The following DNAH5 variants were observed in gnomAD, a reference collection of about 807,000 sequenced individuals.
The protein encoded by DNAH5 is dynein axonemal heavy chain 5.
A neutral mutation model predicts 518.2 loss-of-function variants in DNAH5; 372 were observed. That is an observed-to-expected ratio of 0.72 (90% confidence interval 0.66 to 0.78). The LOEUF is 0.78. Ranked by LOEUF, DNAH5 falls within the 30% of genes least tolerant of loss-of-function variation. The probability of loss-of-function intolerance (pLI) is 0.00; values close to 1 mark genes in which losing one functional copy is unlikely to be tolerated. For synonymous variants in DNAH5, 2,039 were observed against 2,025.9 expected, an observed-to-expected ratio of 1.01 and a Z score of -0.17; for missense variants, 5,523 against 5,687.0, an observed-to-expected ratio of 0.97 and a Z score of 0.93.
rs777625502 is a variant in DNAH5 at position 13,793,999 on chromosome 5, TC to T, written c.7946del (p.Gly2649GlufsTer4). 6.2e-7 allele frequency: 1 copy of T among 1,613,990 alleles called. No homozygotes were observed. Among genetic ancestry groups the T allele is most frequent in the Non-Finnish European group, 8.5e-7 (1 of 1,180,002 alleles). On this transcript the variant is annotated frameshift_variant, in exon 48 of 79. Coordinates refer to ENST00000265104, the MANE Select transcript of DNAH5 (RefSeq NM_001369.3). LOFTEE classifies it high-confidence loss of function. The stretch of plus-strand genomic sequence containing the variant: ...CATCAATAAAAACAGTCATCTTCTT[TC>T]CCGCAGGAGGGCCATATGTTGTACC... The part of the protein sequence containing the change: ...RMGTTYGPPA[G>X]KKMTVFIDDV...
intron 47 of DNAH5, among the ~76,000 whole-genome samples, chr5:13,794,477 A>G (rs922012202): frequency 1.3e-5 from 2 of 152,228 alleles, no homozygotes; most frequent in East Asian, 1.9e-4. Context: ...TGCACAGCCC[A>G]TCATGGTCTG....
intron 5 of DNAH5, 98 bp from the exon 6 acceptor site, chr5:13,920,715 C>T: frequency 7.3e-7 from 1 of 1,367,020 alleles, no homozygotes; most frequent in South Asian, 1.2e-5. Flanking sequence ...TGACAGCGCT[C>T]TGGAAAGCCC....
At chr5:13,831,835 A>G (rs1446586070) in intron 35 of DNAH5, among the ~76,000 whole-genome samples, 2 of 152,190 alleles carry the variant, frequency 1.3e-5, no homozygotes, top group Non-Finnish European at 2.9e-5. Context: ...TGTGCTCCAC[A>G]TGCATCATCT....
At chr5:13,902,487 G>T (rs1319203860) in intron 12 of DNAH5, among the ~76,000 whole-genome samples, 1 of 152,152 alleles carries the variant, frequency 6.6e-6, no homozygotes, top group African/African-American at 2.4e-5. Flanking sequence ...TTGAAGTGCT[G>T]CCCAGTACAT....
At chr5:13,948,013 C>G (rs528198760), upstream of DNAH5, among the ~76,000 whole-genome samples, 22 of 152,294 alleles carry the variant, frequency 1.4e-4, no homozygotes, top group Non-Finnish European at 3.2e-4. Context: ...CTTACCAGAG[C>G]TTGTGCACAC....
intron 1 of DNAH5, among the ~76,000 whole-genome samples, chr5:13,989,615 C>G (rs1783360747): frequency 6.6e-6 from 1 of 151,726 alleles, no homozygotes; most frequent in South Asian, 2.1e-4. Context: ...TCCGGAGTAG[C>G]TGGGACTACA....
chr5:13,891,158 G>A (rs990789646), intron 16 of DNAH5, 37 bp from the exon 17 acceptor site: 2 of 1,610,826 alleles, frequency 1.2e-6, no homozygotes, highest in Middle Eastern at 1.7e-4. Flanking sequence ...AAGAGATTAG[G>A]TAAAGCATTT....
intron 32 of DNAH5, among the ~76,000 whole-genome samples, chr5:13,842,429 A>AAGAAAGAGAGAGAGAGAGAG (rs1561407059): frequency 1.8e-5 from 1 of 55,600 alleles, no homozygotes; most frequent in African/African-American, 7.6e-5. Context: ...AAAGAAAAGA[A>AAGAAAGAGAGAGAGAGAGAG]AGAAAGAAAG....
chr5:13,906,177 C>T (rs182082537), intron 12 of DNAH5, among the ~76,000 whole-genome samples: 1 of 152,276 alleles, frequency 6.6e-6, no homozygotes, highest in East Asian at 1.9e-4. Flanking sequence ...TTACCACGGT[C>T]GATGCATATC....
chr5:13,795,319 G>A (rs1402400643), intron 47 of DNAH5, among the ~76,000 whole-genome samples: 1 of 151,508 alleles, frequency 6.6e-6, no homozygotes, highest in Non-Finnish European at 1.5e-5. Context: ...TAATAAAGAA[G>A]AAAAGAGAGA....
chr5:13,902,970 C>A (rs972720427), intron 12 of DNAH5, among the ~76,000 whole-genome samples: 2 of 152,004 alleles, frequency 1.3e-5, no homozygotes, highest in Non-Finnish European at 2.9e-5. Context: ...TTTTTGAAAA[C>A]CCATGAGAAA....
Position 13,718,769 on chromosome 5 carries a change from A to C in DNAH5, c.12499+113T>G, listed in dbSNP as rs1744642527. The C allele has an allele frequency of 1.9e-5, 17 of 887,274 alleles. No individual in the cohort carries two copies. In the East Asian group the frequency reaches 4.4e-4, roughly 23 times the overall value. The allele number at this position is 887,274 out of a possible 1,614,324, so 55.0% of individuals were successfully genotyped here. ...GGACCATCACCTCCCCATCAGGTTA[A>C]ACAGTAGTACTATTTGCTATAACTG... On this transcript the variant is annotated intron_variant, in intron 72 of 78. Coordinates refer to ENST00000265104, the MANE Select transcript of DNAH5 (RefSeq NM_001369.3).
intron 75 of DNAH5, among the ~76,000 whole-genome samples, chr5:13,711,995 A>G (rs1292010145): frequency 6.6e-6 from 1 of 152,136 alleles, no homozygotes; most frequent in Admixed American, 6.5e-5. Flanking sequence ...TCATTCTTCA[A>G]AGAATGAGAA....
chr5:13,713,434 CATATATAT>C lies in DNAH5; in HGVS notation c.13125+963_13125+970del, dbSNP rs200836910. Among the ~76,000 whole-genome samples, 103 of 70,658 alleles carry C rather than the reference CATATATAT, an allele frequency of 1.5e-3. 4 individuals carry two copies. Among genetic ancestry groups the C allele is most frequent in the African/African-American group, 3.7e-3 (63 of 17,004 alleles). The allele number at this position is 70,658 out of a possible 152,430, so 46.4% of individuals were successfully genotyped here. A position where few individuals can be genotyped will look rare whatever the true frequency, so the allele number is the denominator to read the frequency against. On this transcript the variant is annotated intron_variant, in intron 75 of 78. Transcript: ENST00000265104. ...ACCGACATATATATATATACATCGA[CATATATAT>C]ATATATATATATATATATATATATA...
Position 13,870,865 on chromosome 5 carries a change from G to C in DNAH5, c.3736C>G (p.Pro1246Ala). The C allele has an allele frequency of 6.2e-7, 1 of 1,613,778 alleles. No individual in the cohort carries two copies. The highest frequency in any genetic ancestry group is 8.5e-7 in the Non-Finnish European group (1 of 1,179,828). Residue 1246 changes from proline to alanine, a missense_variant, in exon 24 of 79, where the codon CCA (proline) becomes GCA (alanine). By Grantham distance (27) the Pro-to-Ala change is conservative. Coordinates refer to ENST00000265104, the MANE Select transcript of DNAH5 (RefSeq NM_001369.3). ...IEEFNKKLNR[P>A]IKDLDDIRIA... ...CGAATATCATCTAGGTCCTTAATTG[G>C]ACGATTTAGTTTCTTATTGAATTCT...
rs1760408803 is a variant in DNAH5, at chr5:13,810,160, C to A, written c.7508G>T (p.Arg2503Leu). The A allele has an allele frequency of 4.5e-6, 7 of 1,548,262 alleles. No homozygotes were observed. The highest frequency in any genetic ancestry group is 1.7e-4 in the Middle Eastern group (1 of 5,758). Residue 2503 changes from arginine (R) to leucine (L), a missense_variant, in exon 45 of 79, where the codon CGC (arginine) becomes CTC (leucine). Arg to Leu is a moderately radical substitution (Grantham distance 102, BLOSUM62 -2). This residue lies in a region of DNAH5 where 5,121 missense variants were observed against 5,223.3 expected (regional missense o/e 0.98). Transcript: ENST00000265104. ...CCGAGAGCGCAGCCAGAGCTCCAGG[C>A]GGCGCCGTCCGTCCAGCTCCAGCGC... ...GAALELDGRR[R>L]LELWLRSRPT... is the part of the protein sequence containing the mutation.
At position 13,714,516 on chromosome 5, in the gene DNAH5, G is replaced by A. The variant is rs754196517; in HGVS notation, c.13014C>T (p.Gly4338=). The change falls in exon 75 of 79, where the codon GGC becomes GGT. Residue 4338 remains glycine (G), a synonymous_variant. Transcript: ENST00000265104. ...CACCAGAGGTGTCCTTGGGTTGGAT[G>A]CCTAGGATGGTGTCCAGCACGTCCT... ...LAKDVLDTIL[G]IQPKDTSGGG... The A allele has an allele frequency of 1.2e-6, 2 of 1,614,032 alleles. No homozygotes were observed. Among genetic ancestry groups the A allele is most frequent in the Non-Finnish European group, 1.7e-6 (2 of 1,180,020 alleles).
chr5:13,853,479 A>T (rs551612520), intron 30 of DNAH5, among the ~76,000 whole-genome samples: 1 of 152,256 alleles, frequency 6.6e-6, no homozygotes, highest in East Asian at 1.9e-4. Flanking sequence ...AAAGGATAAC[A>T]ACTCCTCGCC....
intron 1 of DNAH5, among the ~76,000 whole-genome samples, chr5:13,968,790 C>A (rs1258650836): frequency 1.3e-5 from 2 of 152,004 alleles, no homozygotes; most frequent in African/African-American, 4.8e-5. Flanking sequence ...TTTGTTATGT[C>A]GTGTCCTGGT....
Sources: allele counts gnomAD v4.1 joint callset (sites outside exome capture counted in the v4.1 genomes callset), GRCh38; gene constraint gnomAD v4.1.1; regional missense constraint gnomAD v4.1.1; transcripts MANE v1.5; gene names NCBI Gene and HGNC (gene_info 2026-07-23, HGNC 2026-07-21).